Variants in CABLES1 observed in about 807,000 individuals in gnomAD.
CABLES1 encodes the protein Cdk5 and Abl enzyme substrate 1, also known as CDK5 and ABL1 enzyme substrate 1.
CABLES1 carries 36 observed loss-of-function variants against 57.8 expected under a neutral mutation model. That is an observed-to-expected ratio of 0.62 (90% CI 0.48 to 0.82). The LOEUF is 0.82. Among genes scored for constraint, CABLES1 ranks in the 40% least tolerant of loss-of-function variants. CABLES1 has a pLI of 0.00. For missense variants in CABLES1, 767 were observed against 836.6 expected, an observed-to-expected ratio of 0.92 and a Z score of 1.03; for synonymous variants, 374 against 363.0, an observed-to-expected ratio of 1.03 and a Z score of -0.35.
chr18:23,254,302 G>A (rs536604740), intron 9 of CABLES1, among the ~76,000 whole-genome samples: 2 of 152,328 alleles, frequency 1.3e-5, no homozygotes, highest in Admixed American at 6.5e-5. Context: ...GTAAGACCTT[G>A]GCTTCCTACT....
intron 7 of CABLES1, among the ~76,000 whole-genome samples, chr18:23,252,300 T>C (rs576876702): frequency 2.6e-5 from 4 of 152,330 alleles, no homozygotes; most frequent in African/African-American, 9.6e-5. Flanking sequence ...TGGTGAGGGC[T>C]GCACAACTAT....
At chr18:23,163,141 G>A (rs2047016231) in intron 1 of CABLES1, among the ~76,000 whole-genome samples, 2 of 152,102 alleles carry the variant, frequency 1.3e-5, no homozygotes, top group Non-Finnish European at 2.9e-5. Context: ...TGGCTTCTTG[G>A]AGATCACTGG....
chr18:23,234,821 G>T, intron 5 of CABLES1, 117 bp downstream of exon 5: 1 of 796,328 alleles, frequency 1.3e-6, no homozygotes, highest in Non-Finnish European at 2.1e-6. Context: ...GTCTGGGGCA[G>T]ATTCCCAGGC....
intron 1 of CABLES1, among the ~76,000 whole-genome samples, chr18:23,173,446 G>A (rs1260658081): frequency 2.0e-5 from 3 of 152,208 alleles, no homozygotes; most frequent in Non-Finnish European, 4.4e-5. Context: ...AATTGAACCA[G>A]ATCCATAGTT....
At chr18:23,200,505 G>A (rs992469127) in intron 3 of CABLES1, among the ~76,000 whole-genome samples, 18 of 152,182 alleles carry the variant, frequency 1.2e-4, no homozygotes, top group South Asian at 4.2e-4. Flanking sequence ...CTTGTGATCC[G>A]CCCGCCTTGG....
At chr18:23,234,575 A>T (rs1296931371) in intron 4 of CABLES1, 33 bp from the exon 5 acceptor site, 1 of 1,552,810 alleles carries the variant, frequency 6.4e-7, no homozygotes, top group South Asian at 1.1e-5. Flanking sequence ...TGCACACAAA[A>T]GCATTTTTTT....
intron 1 of CABLES1, among the ~76,000 whole-genome samples, chr18:23,185,760 G>T (rs916800048): frequency 1.3e-5 from 2 of 152,198 alleles, no homozygotes; most frequent in African/African-American, 4.8e-5. Context: ...GTGACAGAAC[G>T]TGTCGAGATT....
At chr18:23,146,428 A>G (rs1208864176) in intron 1 of CABLES1, among the ~76,000 whole-genome samples, 1 of 151,976 alleles carries the variant, frequency 6.6e-6, no homozygotes. Flanking sequence ...CTTGTCTCGA[A>G]CTCCTGACTT....
intron 7 of CABLES1, among the ~76,000 whole-genome samples, chr18:23,248,111 G>T (rs1342260432): frequency 6.6e-6 from 1 of 152,236 alleles, no homozygotes; most frequent in Non-Finnish European, 1.5e-5. Context: ...TGCCACCCTT[G>T]CCCCCTCCAG....
intron 1 of CABLES1, among the ~76,000 whole-genome samples, chr18:23,188,358 G>A (rs2047217562): frequency 6.6e-6 from 1 of 152,176 alleles, no homozygotes; most frequent in South Asian, 2.1e-4. Context: ...CATCCAGGGA[G>A]CATAACCTTT....
chr18:23,183,897 GT>G (rs2047184581), intron 1 of CABLES1, among the ~76,000 whole-genome samples: 1 of 152,176 alleles, frequency 6.6e-6, no homozygotes. Context: ...GAGGCTTTTT[GT>G]TTATTACAGG....
intron 7 of CABLES1, among the ~76,000 whole-genome samples, chr18:23,241,672 T>C (rs1217334003): frequency 6.6e-6 from 1 of 152,264 alleles, no homozygotes; most frequent in African/African-American, 2.4e-5. Context: ...TTAATTTCTC[T>C]TGGGGTAAAT....
chr18:23,139,644 C>T (rs1414615561), intron 1 of CABLES1, among the ~76,000 whole-genome samples: 1 of 152,178 alleles, frequency 6.6e-6, no homozygotes, highest in Non-Finnish European at 1.5e-5. Flanking sequence ...TTCTTGACAT[C>T]TATTGTATTT....
chr18:23,252,370 A>T (rs774087533), intron 7 of CABLES1, among the ~76,000 whole-genome samples: 26 of 152,204 alleles, frequency 1.7e-4, no homozygotes, highest in Non-Finnish European at 3.1e-4. Context: ...GGTAAATTGT[A>T]TGTGATGTGT....
chr18:23,184,523 C>T (rs1429912567), intron 1 of CABLES1, among the ~76,000 whole-genome samples: 3 of 151,948 alleles, frequency 2.0e-5, no homozygotes, highest in Non-Finnish European at 4.4e-5. Context: ...GCCAATGTGG[C>T]GAAACCCTGT....
intron 1 of CABLES1, among the ~76,000 whole-genome samples, chr18:23,139,557 G>A (rs2144946272): frequency 6.6e-6 from 1 of 152,290 alleles, no homozygotes; most frequent in African/African-American, 2.4e-5. Context: ...AAAATTCTGT[G>A]CACAAGCCTT....
chr18:23,198,810 C>T (rs2047303247), intron 3 of CABLES1, among the ~76,000 whole-genome samples: 1 of 152,242 alleles, frequency 6.6e-6, no homozygotes, highest in Non-Finnish European at 1.5e-5. Context: ...GCTAACACCT[C>T]GGTTTTAGCT....
intron 9 of CABLES1, among the ~76,000 whole-genome samples, chr18:23,256,997 A>T (rs1170949954): frequency 6.6e-6 from 1 of 152,196 alleles, no homozygotes; most frequent in Non-Finnish European, 1.5e-5. Flanking sequence ...TGATGTCATA[A>T]GATGTATGTG....
chr18:23,170,113 A>G lies in CABLES1; in HGVS notation c.846-18725A>G, dbSNP rs115510165. ...GTCTAGCAGAGACGTTGTTATCCATATCTTCCATCCCCCGGCCATGTGGAT... is the reference window on the plus strand; with the variant it reads ...GTCTAGCAGAGACGTTGTTATCCATGTCTTCCATCCCCCGGCCATGTGGAT... On this transcript the variant is annotated intron_variant, in intron 1 of 9. Transcript: ENST00000256925. 6.4e-3 allele frequency among the ~76,000 whole-genome samples: 972 copies of G among 152,180 alleles called. 10 individuals are homozygous for G. Among genetic ancestry groups the G allele is most frequent in the African/African-American group, 0.023 (940 of 41,504 alleles).
Sources: gnomAD v4.1 joint callset for allele counts (sites outside exome capture counted in the v4.1 genomes callset) on GRCh38, gnomAD v4.1.1 for gene constraint, MANE v1.5 for transcripts, NCBI Gene and HGNC (gene_info 2026-07-23, HGNC 2026-07-21) for gene names.